PRR16: variants seen among roughly 807,000 people sequenced by gnomAD.
PRR16 encodes the protein proline rich 16, also known as protein Largen.
A neutral mutation model predicts 18.2 loss-of-function variants in PRR16; 6 were observed. The observed-to-expected ratio is 0.33, with a 90% CI of 0.18 to 0.65. The LOEUF (loss-of-function observed/expected upper bound fraction) is 0.65. Among genes scored for constraint, PRR16 ranks in the 30% least tolerant of loss-of-function variants. The probability of loss-of-function intolerance (pLI) is 0.74; values close to 1 mark genes in which losing one functional copy is unlikely to be tolerated. For synonymous variants in PRR16, 151 were observed against 147.8 expected (o/e 1.02, Z -0.16); for missense variants, 412 against 376.6 (o/e 1.09, Z -0.78).
intron 1 of PRR16, among the ~76,000 whole-genome samples, chr5:120,625,742 T>C (rs1580802129): frequency 1.3e-5 from 2 of 152,256 alleles, no homozygotes; most frequent in Non-Finnish European, 2.9e-5. Context: ...AGTAGGACAA[T>C]AGAGTCAGAA....
At chr5:120,536,212 C>T (rs569947450) in intron 1 of PRR16, among the ~76,000 whole-genome samples, 2 of 152,266 alleles carry the variant, frequency 1.3e-5, no homozygotes, top group South Asian at 4.1e-4. Context: ...AGAGTTCTTA[C>T]TGCTTGGATC....
chr5:120,735,988 T>C, the PRR16 span, among the ~76,000 whole-genome samples: 12 of 152,208 alleles, frequency 7.9e-5, no homozygotes, highest in African/African-American at 2.9e-4. Flanking sequence ...TGAATTAATT[T>C]GTGTACACCA....
chr5:120,584,375 A>G (rs1305985390), intron 1 of PRR16, among the ~76,000 whole-genome samples: 1 of 152,236 alleles, frequency 6.6e-6, no homozygotes, highest in African/African-American at 2.4e-5. Flanking sequence ...GAGGGCATGT[A>G]GCACGTAGTT....
chr5:120,735,441 C>T, the PRR16 span, among the ~76,000 whole-genome samples: 1 of 152,118 alleles, frequency 6.6e-6, no homozygotes, highest in Non-Finnish European at 1.5e-5. Context: ...CAACAGTGTA[C>T]AAGTGGTGTA....
At chr5:120,609,636 T>A (rs1436512456) in intron 1 of PRR16, among the ~76,000 whole-genome samples, 2 of 152,180 alleles carry the variant, frequency 1.3e-5, no homozygotes, top group Non-Finnish European at 2.9e-5. Context: ...TCTGAAACAC[T>A]TACACATTTT....
intron 1 of PRR16, 136 bp from the exon 2 acceptor site, chr5:120,685,818 T>A (rs1376321286): frequency 2.4e-6 from 2 of 839,000 alleles, no homozygotes; most frequent in Non-Finnish European, 3.6e-6. Context: ...ACTGAAAACA[T>A]CAAGCAGCAA....
chr5:120,776,099 G>C, the PRR16 span, among the ~76,000 whole-genome samples: 1 of 152,060 alleles, frequency 6.6e-6, no homozygotes, highest in Non-Finnish European at 1.5e-5. Flanking sequence ...GTCTCTCACT[G>C]TTGCTGCTCC....
chr5:120,634,887 AAG>A (rs1285620757), intron 1 of PRR16, among the ~76,000 whole-genome samples: 1 of 152,146 alleles, frequency 6.6e-6, no homozygotes, highest in African/African-American at 2.4e-5. Flanking sequence ...CCAAGAAAAG[AAG>A]AGAGAAGATC....
At chr5:120,655,388 T>TTTA (rs1554092375) in intron 1 of PRR16, among the ~76,000 whole-genome samples, 5 of 143,576 alleles carry the variant, frequency 3.5e-5, no homozygotes, top group African/African-American at 7.6e-5. Context: ...TTTTTTTTTT[T>TTTA]AAAAAAAAAG....
chr5:120,610,122 A>T (rs1226048651), intron 1 of PRR16, among the ~76,000 whole-genome samples: 2 of 152,096 alleles, frequency 1.3e-5, no homozygotes, highest in African/African-American at 2.4e-5. Flanking sequence ...GGTGGGGGGA[A>T]GTATCCTCCA....
chr5:120,545,069 C>G (rs1433676039), intron 1 of PRR16, among the ~76,000 whole-genome samples: 7 of 152,068 alleles, frequency 4.6e-5, no homozygotes, highest in African/African-American at 1.7e-4. Context: ...TCCAAGAAGA[C>G]AAGACTGAGC....
At chr5:120,660,168 T>C (rs1333475439) in intron 1 of PRR16, among the ~76,000 whole-genome samples, 1 of 152,094 alleles carries the variant, frequency 6.6e-6, no homozygotes, top group Non-Finnish European at 1.5e-5. Context: ...AATTTTATAG[T>C]ATACTTAGAA....
At chr5:120,606,065 T>C (rs2112797289) in intron 1 of PRR16, among the ~76,000 whole-genome samples, 1 of 152,206 alleles carries the variant, frequency 6.6e-6, no homozygotes, top group East Asian at 1.9e-4. Context: ...GCATTTGTGT[T>C]GGTGTGGCAG....
At chr5:120,791,671 T>A in the PRR16 span, among the ~76,000 whole-genome samples, 1 of 151,720 alleles carries the variant, frequency 6.6e-6, no homozygotes, top group Admixed American at 6.6e-5. Flanking sequence ...CTATCTATCA[T>A]CTACCTATGA....
the PRR16 span, among the ~76,000 whole-genome samples, chr5:120,753,381 G>A: frequency 1.3e-5 from 2 of 151,910 alleles, no homozygotes; most frequent in Admixed American, 6.6e-5. Flanking sequence ...GTAAGAGGAA[G>A]AACAGGTACG....
intron 1 of PRR16, among the ~76,000 whole-genome samples, chr5:120,597,267 A>G (rs1753844837): frequency 1.3e-5 from 2 of 151,688 alleles, no homozygotes; most frequent in South Asian, 4.2e-4. Flanking sequence ...TGTTAATATT[A>G]TATCTTATAA....
intron 1 of PRR16, among the ~76,000 whole-genome samples, chr5:120,492,872 G>A (rs1261035618): frequency 6.6e-6 from 1 of 152,140 alleles, no homozygotes; most frequent in East Asian, 1.9e-4. Flanking sequence ...CATCCAAGTT[G>A]CTACAAAAGA....
chr5:120,523,612 T>C (rs892650450), intron 1 of PRR16, among the ~76,000 whole-genome samples: 2 of 152,154 alleles, frequency 1.3e-5, no homozygotes, highest in Admixed American at 6.5e-5. Flanking sequence ...TATTTTCAAG[T>C]TGAATTTTTT....
chr5:120,563,946 G>T (rs566745809), intron 1 of PRR16, among the ~76,000 whole-genome samples: 1 of 152,258 alleles, frequency 6.6e-6, no homozygotes, highest in South Asian at 2.1e-4. Context: ...CAAGGTTTAA[G>T]GGCTCTTTAG....
Sources: gnomAD v4.1 joint callset for allele counts (sites outside exome capture counted in the v4.1 genomes callset) on GRCh38, gnomAD v4.1.1 for gene constraint, MANE v1.5 for transcripts, NCBI Gene and HGNC (gene_info 2026-07-23, HGNC 2026-07-21) for gene names.